The following RARB variants were observed in gnomAD, a reference collection of about 807,000 sequenced individuals.
RARB encodes HBV-activated protein.
RARB carries 17 observed loss-of-function variants against 51.9 expected under a neutral mutation model. That is an observed-to-expected ratio of 0.33 (90% CI 0.22 to 0.49). RARB has a LOEUF of 0.49. Ranked by LOEUF, RARB falls within the 20% of genes least tolerant of loss-of-function variation. The pLI is 0.99. For synonymous variants in RARB, 215 were observed against 195.4 expected, an observed-to-expected ratio of 1.10 and a Z score of -0.84; for missense variants, 369 against 550.8, an observed-to-expected ratio of 0.67 and a Z score of 3.30.
At chr3:24,922,427 G>T (rs1695234901) in intron 2 of RARB, among the ~76,000 whole-genome samples, 1 of 152,180 alleles carries the variant, frequency 6.6e-6, no homozygotes, top group African/African-American at 2.4e-5. Flanking sequence ...GAATTGTGCT[G>T]AGCATGTATC....
chr3:25,568,683 G>C (rs530394424), intron 3 of RARB, among the ~76,000 whole-genome samples: 4 of 152,326 alleles, frequency 2.6e-5, no homozygotes, highest in Non-Finnish European at 5.9e-5. Flanking sequence ...ACTCAGGCCA[G>C]ATCCTCTTAG....
intron 3 of RARB, among the ~76,000 whole-genome samples, chr3:25,512,703 C>T (rs1697955909): frequency 6.6e-6 from 1 of 152,226 alleles, no homozygotes; most frequent in African/African-American, 2.4e-5. Flanking sequence ...ACGCGACACA[C>T]TTTTCTAACA....
At chr3:24,859,306 G>C (rs1402462597) in intron 2 of RARB, among the ~76,000 whole-genome samples, 2 of 152,112 alleles carry the variant, frequency 1.3e-5, no homozygotes, top group African/African-American at 4.8e-5. Flanking sequence ...TGGGGAGAGA[G>C]TTGTGACTGA....
At chr3:25,063,530 AAAAAC>A (rs1418064915) in intron 3 of RARB, among the ~76,000 whole-genome samples, 1 of 152,012 alleles carries the variant, frequency 6.6e-6, no homozygotes, top group African/African-American at 2.4e-5. Flanking sequence ...CATAAGGTAA[AAAAAC>A]AAAAATGTAC....
intron 2 of RARB, among the ~76,000 whole-genome samples, chr3:24,925,440 T>G (rs1355429463): frequency 6.6e-6 from 1 of 151,888 alleles, no homozygotes; most frequent in African/African-American, 2.4e-5. Context: ...CTCAGGAATT[T>G]GAGACCAGCC....
rs6794637 is a variant in RARB, at chr3:25,332,415, T to A, written c.179-128778T>A. Among the ~76,000 whole-genome samples, 591 of 152,046 alleles carry A rather than the reference T, an allele frequency of 3.9e-3. 4 individuals carry two copies. The highest frequency in any genetic ancestry group is 0.014 in the Admixed American group (216 of 15,290). ...TAATCCAGCATATAAACAGAACCAA[T>A]GACAAAAACCACATGATTATCTCAA... On this transcript the variant is annotated intron_variant, in intron 5 of 11. Coordinates refer to the RARB transcript ENST00000383772.
chr3:25,272,950 A>G (rs536327250), intron 5 of RARB, among the ~76,000 whole-genome samples: 9 of 152,300 alleles, frequency 5.9e-5, no homozygotes, highest in Admixed American at 5.2e-4. Flanking sequence ...ACCCATTCCT[A>G]TCTAAGCCAG....
chr3:25,199,325 G>A (rs1187245077), intron 5 of RARB, among the ~76,000 whole-genome samples: 5 of 151,934 alleles, frequency 3.3e-5, no homozygotes, highest in Non-Finnish European at 7.4e-5. Flanking sequence ...TTGGGGGTGG[G>A]GGAAGTGGGG....
intron 2 of RARB, among the ~76,000 whole-genome samples, chr3:24,874,282 C>A (rs745717683): frequency 5.9e-5 from 9 of 151,960 alleles, no homozygotes; most frequent in South Asian, 4.1e-4. Flanking sequence ...TTATTATTTT[C>A]TGTATTTGTA....
chr3:25,374,155 G>A (rs1482256606), intron 5 of RARB, among the ~76,000 whole-genome samples: 3 of 152,128 alleles, frequency 2.0e-5, no homozygotes, highest in Non-Finnish European at 2.9e-5. Flanking sequence ...AGCTGGATGT[G>A]GAAGGCAGGG....
Position 25,596,651 on chromosome 3 carries a change from C to T in RARB, c.*35C>T, listed in dbSNP as rs754044677. 2.7e-6 allele frequency: 4 copies of T among 1,483,854 alleles called. No homozygotes were observed. The African/African-American group carries it at 4.2e-5, about 16-fold the overall frequency. The allele number at this position is 1,483,854 out of a possible 1,614,324, so 91.9% of individuals were successfully genotyped here. On this transcript the variant is annotated 3_prime_UTR_variant, in exon 8 of 8. Coordinates refer to ENST00000330688, the MANE Select transcript of RARB (RefSeq NM_000965.5). ...TAGCTACTTCAAACATTCCCCAGTACCTTCAGTTCCAGGATTTAAAATGCA... is the reference window on the plus strand; with the variant it reads ...TAGCTACTTCAAACATTCCCCAGTATCTTCAGTTCCAGGATTTAAAATGCA...
chr3:25,057,241 A>G (rs913989805), intron 2 of RARB, among the ~76,000 whole-genome samples: 20 of 152,102 alleles, frequency 1.3e-4, no homozygotes, highest in Admixed American at 2.0e-4. Context: ...AGTCAGGAAT[A>G]GAAACTTAGG....
intron 3 of RARB, among the ~76,000 whole-genome samples, chr3:25,538,445 T>G (rs947233355): frequency 2.0e-5 from 3 of 152,206 alleles, no homozygotes; most frequent in Non-Finnish European, 2.9e-5. Flanking sequence ...TAAAATGTAT[T>G]AAGATATAGA....
chr3:25,425,360 A>G (rs980692163), upstream of RARB, among the ~76,000 whole-genome samples: 3 of 152,184 alleles, frequency 2.0e-5, no homozygotes, highest in Non-Finnish European at 2.9e-5. Context: ...CAAGTTTTCA[A>G]GAAGTGTAAG....
chr3:25,020,462 G>C (rs1352383985), intron 2 of RARB: 1 of 152,046 alleles, frequency 6.6e-6, no homozygotes, highest in African/African-American at 2.4e-5. Flanking sequence ...CCTCTATAAA[G>C]CATCTTCATA....
intron 5 of RARB, among the ~76,000 whole-genome samples, chr3:25,222,395 G>A (rs571959362): frequency 1.1e-4 from 17 of 152,160 alleles, no homozygotes; most frequent in African/African-American, 3.1e-4. Flanking sequence ...CTTCGGGTAC[G>A]TAACTGAGTC....
chr3:24,870,649 T>G (rs182281560), intron 2 of RARB, among the ~76,000 whole-genome samples: 1 of 152,268 alleles, frequency 6.6e-6, no homozygotes, highest in Admixed American at 6.5e-5. Flanking sequence ...TATCTGTGAT[T>G]CTTGTTCTCT....
At chr3:25,195,876 A>T (rs1298304832) in intron 5 of RARB, among the ~76,000 whole-genome samples, 1 of 151,998 alleles carries the variant, frequency 6.6e-6, no homozygotes, top group African/African-American at 2.4e-5. Flanking sequence ...TCTGAAGTAT[A>T]TGTAATCTGT....
intron 2 of RARB, among the ~76,000 whole-genome samples, chr3:25,001,394 G>T (rs1575113235): frequency 6.6e-6 from 1 of 152,094 alleles, no homozygotes; most frequent in Non-Finnish European, 1.5e-5. Flanking sequence ...TTTGTGAGAG[G>T]TTTTGATAAG....
Sources: gnomAD v4.1 joint callset for allele counts (sites outside exome capture counted in the v4.1 genomes callset) on GRCh38, gnomAD v4.1.1 for gene constraint, MANE v1.5 for transcripts, NCBI Gene and HGNC (gene_info 2026-07-23, HGNC 2026-07-21) for gene names.